The following FBXL17 variants were observed in gnomAD, a reference collection of about 807,000 sequenced individuals.
FBXL17 encodes F-box and leucine rich repeat protein 17.
In FBXL17, 22 loss-of-function variants were observed where a neutral mutation model predicts 66.2. The observed-to-expected ratio is 0.33, with a 90% CI of 0.24 to 0.47. The LOEUF is 0.47. FBXL17 is among the 20% of genes least tolerant of loss of function. The pLI, the probability that FBXL17 is intolerant of heterozygous loss-of-function variation, is 1.00. For synonymous variants in FBXL17, 474 were observed against 400.5 expected (o/e 1.18, Z -2.19); for missense variants, 878 against 948.2 (o/e 0.93, Z 0.97).
intron 6 of FBXL17, among the ~76,000 whole-genome samples, chr5:108,046,872 T>TTA (rs1314589733): frequency 6.6e-6 from 1 of 152,256 alleles, no homozygotes; most frequent in East Asian, 1.9e-4. Flanking sequence ...ACATGTTTGC[T>TTA]TACCATGTTC....
At chr5:108,282,773 TA>T (rs144591171) in intron 4 of FBXL17, among the ~76,000 whole-genome samples, 9,859 of 151,286 alleles carry the variant, frequency 0.065, 1,076 homozygotes, top group African/African-American at 0.22. Context: ...AAGACTCTAT[TA>T]AAAAAAACTC....
chr5:108,143,557 C>A (rs757848801), intron 6 of FBXL17, among the ~76,000 whole-genome samples: 2 of 152,026 alleles, frequency 1.3e-5, no homozygotes, highest in African/African-American at 4.8e-5. Flanking sequence ...TTACCAACAT[C>A]TGCAGCTAAA....
At chr5:107,861,944 G>T in intron 8 of FBXL17, 84 bp from the exon 9 acceptor site, 2 of 1,345,378 alleles carry the variant, frequency 1.5e-6, no homozygotes, top group South Asian at 2.0e-5. Flanking sequence ...GCTGCAGCTG[G>T]CTCACTGTGA....
chr5:108,280,741 A>C (rs546949028), intron 4 of FBXL17, among the ~76,000 whole-genome samples: 1 of 151,772 alleles, frequency 6.6e-6, no homozygotes, highest in East Asian at 1.9e-4. Flanking sequence ...TTAAAAAAAA[A>C]ACATGATCCA....
chr5:108,069,368 A>G (rs188737121), intron 6 of FBXL17, among the ~76,000 whole-genome samples: 1 of 152,248 alleles, frequency 6.6e-6, no homozygotes. Flanking sequence ...TTTTAAAAAT[A>G]GGAACATTAA....
chr5:108,082,698 T>C (rs1438822288), intron 6 of FBXL17, among the ~76,000 whole-genome samples: 1 of 152,178 alleles, frequency 6.6e-6, no homozygotes, highest in African/African-American at 2.4e-5. Flanking sequence ...TTTTAAAGCA[T>C]CAAAATAATA....
At chr5:108,194,216 C>T (rs755612831) in intron 5 of FBXL17, among the ~76,000 whole-genome samples, 6 of 152,142 alleles carry the variant, frequency 3.9e-5, no homozygotes, top group African/African-American at 1.2e-4. Context: ...GTTCTCACTA[C>T]GCTCGGTGAA....
chr5:108,049,208 T>C (rs1747376428), intron 6 of FBXL17, among the ~76,000 whole-genome samples: 1 of 151,666 alleles, frequency 6.6e-6, no homozygotes, highest in Admixed American at 6.6e-5. Context: ...AGCGGCGAGA[T>C]CTCGACTCAC....
intron 7 of FBXL17, among the ~76,000 whole-genome samples, chr5:107,962,106 A>ATCTATACAATT (rs921307625): frequency 1.3e-5 from 2 of 152,190 alleles, no homozygotes; most frequent in African/African-American, 4.8e-5. Context: ...AAAATAAAAT[A>ATCTATACAATT]TCTATACAAT....
chr5:108,234,398 T>C (rs929169268), intron 4 of FBXL17, among the ~76,000 whole-genome samples: 11 of 152,332 alleles, frequency 7.2e-5, no homozygotes, highest in East Asian at 3.9e-4. Flanking sequence ...ACTTAATGGA[T>C]TGACTTCCTC....
intron 7 of FBXL17, among the ~76,000 whole-genome samples, chr5:107,995,213 T>C (rs1475567103): frequency 1.3e-5 from 2 of 152,238 alleles, no homozygotes; most frequent in East Asian, 1.9e-4. Flanking sequence ...CATTCTGCTA[T>C]TTCTTAATTT....
intron 4 of FBXL17, among the ~76,000 whole-genome samples, chr5:108,224,881 G>A (rs1755033817): frequency 6.6e-6 from 1 of 151,978 alleles, no homozygotes; most frequent in Non-Finnish European, 1.5e-5. Flanking sequence ...AGCCTCCTTG[G>A]CCTCCCAAAG....
rs143570443 is a variant in FBXL17, at chr5:108,135,710, T to C, written c.1745+50407A>G. On this transcript the variant is annotated intron_variant, in intron 6 of 8. Coordinates refer to ENST00000542267, the MANE Select transcript of FBXL17 (RefSeq NM_001163315.3). ...GGTGACATGTGCATTTGGCATTCCT[T>C]TTCTTCTTAATTTTCGATTTAGGGC... 6.3e-3 allele frequency among the ~76,000 whole-genome samples: 956 copies of C among 152,244 alleles called. 7 individuals carry two copies. The highest frequency in any genetic ancestry group is 0.01 in the Middle Eastern group (3 of 294).
At chr5:108,177,932 T>TATATACATACAC (rs1242739302) in intron 6 of FBXL17, among the ~76,000 whole-genome samples, 1 of 126,834 alleles carries the variant, frequency 7.9e-6, no homozygotes, top group Non-Finnish European at 1.7e-5. Context: ...TATATATATA[T>TATATACATACAC]ACACACACAC....
chr5:107,927,175 A>G (rs1410400076), intron 7 of FBXL17, among the ~76,000 whole-genome samples: 2 of 152,196 alleles, frequency 1.3e-5, no homozygotes, highest in Non-Finnish European at 2.9e-5. Flanking sequence ...TTAAAATGTT[A>G]AAGGTTAATC....
intron 7 of FBXL17, among the ~76,000 whole-genome samples, chr5:108,009,288 T>TAGATAGAGAGATAG (rs1294587845): frequency 3.5e-5 from 1 of 28,756 alleles, no homozygotes; most frequent in Non-Finnish European, 7.6e-5. Context: ...TATATATATA[T>TAGATAGAGAGATAG]ATATATATAT....
chr5:108,257,476 G>A lies in FBXL17; in HGVS notation c.1507-33248C>T, dbSNP rs78701122. Among the ~76,000 whole-genome samples the A allele has an allele frequency of 9.0e-3, 1,371 of 152,196 alleles. 21 individuals carry two copies. The highest frequency in any genetic ancestry group is 0.03 in the African/African-American group (1,241 of 41,510). On this transcript the variant is annotated intron_variant, in intron 4 of 8. Transcript: ENST00000542267. ...GGGTAAATACTGAGAACAAATGAGCGAGAGTCATTTGAGCTCCAAAGTTCA... is the reference window on the plus strand; with the variant it reads ...GGGTAAATACTGAGAACAAATGAGCAAGAGTCATTTGAGCTCCAAAGTTCA...
intron 7 of FBXL17, among the ~76,000 whole-genome samples, chr5:107,899,577 C>T (rs867747878): frequency 2.0e-5 from 3 of 152,260 alleles, no homozygotes; most frequent in African/African-American, 7.2e-5. Flanking sequence ...TTCAAGGCTG[C>T]AGTGAGTTAT....
chr5:107,871,834 G>T (rs192615745), intron 8 of FBXL17, among the ~76,000 whole-genome samples: 110 of 151,862 alleles, frequency 7.2e-4, no homozygotes, highest in Admixed American at 3.7e-3. Flanking sequence ...ATGTATTTAT[G>T]GAACACATCT....
Sources: allele counts gnomAD v4.1 joint callset (sites outside exome capture counted in the v4.1 genomes callset), GRCh38; gene constraint gnomAD v4.1.1; transcripts MANE v1.5; gene names NCBI Gene and HGNC (gene_info 2026-07-23, HGNC 2026-07-21).